Variants in WDR43 observed in about 807,000 individuals in gnomAD.
WDR43 encodes WD repeat-containing protein 43.
In WDR43, 13 loss-of-function variants were observed where a neutral mutation model predicts 91.4. The ratio of observed to expected loss-of-function variants is 0.14; its 90% CI spans 0.09 to 0.23. The LOEUF is 0.23. Ranked by LOEUF, WDR43 falls within the 10% of genes least tolerant of loss-of-function variation. The pLI is 1.00. For missense variants in WDR43, 780 were observed against 809.4 expected, an observed-to-expected ratio of 0.96 and a Z score of 0.44; for synonymous variants, 331 against 287.9, an observed-to-expected ratio of 1.15 and a Z score of -1.51.
chr2:28,942,243 A>G, intron 15 of WDR43, 69 bp from the exon 16 acceptor site: 6 of 1,485,250 alleles, frequency 4.0e-6, no homozygotes, highest in African/African-American at 1.4e-5. Context: ...AAGGTTGGGT[A>G]TGCTGGTGGT....
intron 8 of WDR43, 66 bp downstream of exon 8, chr2:28,925,219 T>A: frequency 7.3e-7 from 1 of 1,362,664 alleles, no homozygotes; most frequent in Non-Finnish European, 9.7e-7. Flanking sequence ...AGAGTGATTT[T>A]AAAAATAACA....
intron 1 of WDR43, chr2:28,895,200 C>T (rs948695249): frequency 3.2e-6 from 1 of 316,880 alleles, no homozygotes; most frequent in Non-Finnish European, 5.7e-6. Flanking sequence ...TGACGGGCAG[C>T]CATGTTCGCC....
intron 2 of WDR43, 78 bp from the exon 3 acceptor site, chr2:28,906,382 G>A: frequency 1.4e-6 from 2 of 1,399,358 alleles, no homozygotes; most frequent in Non-Finnish European, 1.9e-6. Flanking sequence ...AGCATCTTGG[G>A]AGAGCGAGGA....
chr2:28,906,992 T>C (rs2148181131), intron 3 of WDR43, among the ~76,000 whole-genome samples: 1 of 152,216 alleles, frequency 6.6e-6, no homozygotes, highest in Admixed American at 6.5e-5. Context: ...ATGTAAAAGA[T>C]TGACTTGGCA....
chr2:28,930,043 T>C (rs1671212214), intron 11 of WDR43: 1 of 485,816 alleles, frequency 2.1e-6, no homozygotes, highest in East Asian at 6.5e-5. Flanking sequence ...TCACAATTTA[T>C]ATTTTTTTCT....
intron 1 of WDR43, among the ~76,000 whole-genome samples, chr2:28,901,778 G>A (rs1415792765): frequency 6.6e-6 from 1 of 152,084 alleles, no homozygotes; most frequent in Non-Finnish European, 1.5e-5. Flanking sequence ...TTTCCATAGG[G>A]GTGGGAGACG....
chr2:28,901,686 A>C (rs1558367519), intron 1 of WDR43, among the ~76,000 whole-genome samples: 1 of 152,128 alleles, frequency 6.6e-6, no homozygotes. Context: ...CCTGTTTCTG[A>C]GAAGTGGAAA....
chr2:28,909,584 G>C (rs1374203804), intron 3 of WDR43, among the ~76,000 whole-genome samples: 1 of 152,172 alleles, frequency 6.6e-6, no homozygotes, highest in African/African-American at 2.4e-5. Context: ...TTAAAAAGCT[G>C]ATTGGTGGCT....
At chr2:28,933,391 G>C (rs115379827) in intron 11 of WDR43, among the ~76,000 whole-genome samples, 2,430 of 152,224 alleles carry the variant, frequency 0.016, 59 homozygotes, top group African/African-American at 0.055. Flanking sequence ...ATGCAAAATA[G>C]ACCATAGACT....
intron 4 of WDR43, among the ~76,000 whole-genome samples, chr2:28,912,947 A>ATTTT (rs35646381): frequency 4.0e-5 from 4 of 100,962 alleles, no homozygotes; most frequent in African/African-American, 1.1e-4. Flanking sequence ...AAGAAACAAG[A>ATTTT]TTTTTTTTTT....
intron 13 of WDR43, among the ~76,000 whole-genome samples, chr2:28,937,238 G>A (rs532778170): frequency 5.3e-4 from 80 of 152,204 alleles, no homozygotes; most frequent in African/African-American, 1.9e-3. Flanking sequence ...TATAGTACCT[G>A]CCGAACCTCT....
At chr2:28,922,890 A>T in intron 6 of WDR43, 29 bp from the exon 7 acceptor site, 1 of 1,601,718 alleles carries the variant, frequency 6.2e-7, no homozygotes, top group South Asian at 1.1e-5. Flanking sequence ...GTTATCCATT[A>T]TAATACGTTG....
At chr2:28,920,004 G>A (rs887501482) in intron 6 of WDR43, among the ~76,000 whole-genome samples, 4 of 151,552 alleles carry the variant, frequency 2.6e-5, no homozygotes, top group African/African-American at 2.4e-5. Flanking sequence ...CATGCCTGGC[G>A]AATTTTTGTA....
chr2:28,917,937 T>G lies in WDR43; in HGVS notation c.791T>G (p.Phe264Cys), dbSNP rs1365045801. Residue 264 changes from phenylalanine to cysteine, a missense_variant, in exon 6 of 18, where the codon TTT becomes TGT. Phe to Cys is a radical substitution (Grantham distance 205). Around this residue, in one of 4 missense-constraint regions of WDR43, gnomAD observed 5 missense variants for 20.4 expected, o/e 0.25. Coordinates refer to ENST00000407426, the MANE Select transcript of WDR43 (RefSeq NM_015131.3). ...ENKEKSAVMS[F>C]TVTDEPVYID... ...AAAGAAAAGAGTGCAGTGATGTCATTTACAGTTACCGATGAACCTGTCTAT... is the reference window on the plus strand; with the variant it reads ...AAAGAAAAGAGTGCAGTGATGTCATGTACAGTTACCGATGAACCTGTCTAT... 3.0e-5 allele frequency: 47 copies of G among 1,588,038 alleles called. No homozygotes were observed. The highest frequency in any genetic ancestry group is 3.7e-5 in the Non-Finnish European group (43 of 1,166,224).
chr2:28,943,860 T>C (rs1671492389), intron 16 of WDR43, among the ~76,000 whole-genome samples: 1 of 152,194 alleles, frequency 6.6e-6, no homozygotes, highest in Non-Finnish European at 1.5e-5. Flanking sequence ...ATTTGGGAAA[T>C]GGGAGCTCAT....
At chr2:28,907,153 G>A (rs368603970) in intron 3 of WDR43, among the ~76,000 whole-genome samples, 3 of 152,160 alleles carry the variant, frequency 2.0e-5, no homozygotes, top group South Asian at 2.1e-4. Flanking sequence ...GAGGTTGGCC[G>A]TATAGGAGAT....
chr2:28,944,944 A>G (rs1671515568), intron 16 of WDR43, among the ~76,000 whole-genome samples: 2 of 152,176 alleles, frequency 1.3e-5, no homozygotes, highest in Admixed American at 6.5e-5. Context: ...GATTTGGTAC[A>G]TTTTCCATTT....
intron 12 of WDR43, among the ~76,000 whole-genome samples, chr2:28,936,696 CTG>C (rs1156881566): frequency 3.3e-5 from 5 of 152,146 alleles, no homozygotes; most frequent in Non-Finnish European, 5.9e-5. Flanking sequence ...TATTTTCTGT[CTG>C]TGGATTTTGC....
chr2:28,929,990 T>C, intron 11 of WDR43: 1 of 540,696 alleles, frequency 1.8e-6, no homozygotes, highest in South Asian at 1.6e-5. Context: ...TAAAAGCCTT[T>C]ATAAACATAG....
Sources: gnomAD v4.1 joint callset for allele counts (sites outside exome capture counted in the v4.1 genomes callset) on GRCh38, gnomAD v4.1.1 for gene constraint, gnomAD v4.1.1 regional missense constraint, MANE v1.5 for transcripts, NCBI Gene and HGNC (gene_info 2026-07-23, HGNC 2026-07-21) for gene names.